The following IL15 variants were observed in gnomAD, a reference collection of about 807,000 sequenced individuals.
IL15 encodes interleukin-15.
A neutral mutation model predicts 19.6 loss-of-function variants in IL15; 11 were observed. The observed-to-expected ratio is 0.56, with a 90% CI of 0.35 to 0.93. The LOEUF is 0.93. Ranked by LOEUF, IL15 falls within the 40% of genes least tolerant of loss-of-function variation. IL15 has a pLI of 0.01. For synonymous variants in IL15, 58 were observed against 59.6 expected, an observed-to-expected ratio of 0.97 and a Z score of 0.12; for missense variants, 197 against 186.5, an observed-to-expected ratio of 1.06 and a Z score of -0.33.
chr4:141,653,149 C>T (rs76118960), intron 1 of IL15, among the ~76,000 whole-genome samples: 5,910 of 152,064 alleles, frequency 0.039, 371 homozygotes, highest in African/African-American at 0.13. Flanking sequence ...TGTTTAGTAA[C>T]AATTGGCTGA....
At chr4:141,715,696 G>C (rs1729860056) in intron 2 of IL15, 1 of 152,066 alleles carries the variant, frequency 6.6e-6, no homozygotes, top group Admixed American at 6.6e-5. Flanking sequence ...ATTCTATTCA[G>C]TCTCGGCTTG....
chr4:141,666,308 G>A (rs1727983805), intron 2 of IL15, among the ~76,000 whole-genome samples: 1 of 151,426 alleles, frequency 6.6e-6, no homozygotes, highest in South Asian at 2.1e-4. Flanking sequence ...TTGGAAAGCC[G>A]AGGCGGTCGG....
At chr4:141,696,278 A>C (rs10010469) in intron 2 of IL15, among the ~76,000 whole-genome samples, 130,407 of 152,036 alleles carry the variant, frequency 0.86, 56,431 homozygotes, top group East Asian at 0.99. Flanking sequence ...CTACGCTGTT[A>C]AATTGGTCTA....
At chr4:141,660,304 T>C (rs1415476119) in intron 2 of IL15, among the ~76,000 whole-genome samples, 3 of 152,226 alleles carry the variant, frequency 2.0e-5, no homozygotes, top group African/African-American at 7.2e-5. Flanking sequence ...TAAACTAAGT[T>C]ACTAGGAACC....
chr4:141,646,990 A>G (rs1291758068), intron 1 of IL15, among the ~76,000 whole-genome samples: 1 of 152,154 alleles, frequency 6.6e-6, no homozygotes, highest in Admixed American at 6.6e-5. Context: ...GAGGGAATGA[A>G]TGGATTAATG....
At chr4:141,686,497 C>T (rs979516891) in intron 2 of IL15, among the ~76,000 whole-genome samples, 1 of 152,108 alleles carries the variant, frequency 6.6e-6, no homozygotes, top group Non-Finnish European at 1.5e-5. Flanking sequence ...CTGCCTACTC[C>T]TCTGTGAGTC....
chr4:141,732,237 A>G (rs1730474339), intron 7 of IL15, among the ~76,000 whole-genome samples: 1 of 152,202 alleles, frequency 6.6e-6, no homozygotes, highest in African/African-American at 2.4e-5. Flanking sequence ...AAGTGCGAGT[A>G]GCAGCAGCTA....
intron 7 of IL15, 97 bp downstream of exon 7, chr4:141,730,081 C>G: frequency 1.1e-6 from 1 of 935,052 alleles, no homozygotes; most frequent in Non-Finnish European, 1.7e-6. Flanking sequence ...AAGGGGCAAT[C>G]AGGAGAAGGA....
At chr4:141,685,856 T>G (rs1203773745) in intron 2 of IL15, among the ~76,000 whole-genome samples, 1 of 152,222 alleles carries the variant, frequency 6.6e-6, no homozygotes, top group African/African-American at 2.4e-5. Flanking sequence ...CATTTCTTCA[T>G]AACATTTAAA....
intron 2 of IL15, chr4:141,715,825 G>A (rs1381060318): frequency 6.6e-6 from 1 of 152,100 alleles, no homozygotes; most frequent in East Asian, 1.9e-4. Context: ...AAGTTAATAA[G>A]CAGAACAAAA....
intron 5 of IL15, among the ~76,000 whole-genome samples, chr4:141,722,453 C>A (rs1290772458): frequency 6.6e-6 from 1 of 152,058 alleles, no homozygotes; most frequent in Admixed American, 6.6e-5. Context: ...CCAAGCATAC[C>A]AAAATAGCAC....
chr4:141,665,441 TC>T (rs1185245905), intron 2 of IL15, among the ~76,000 whole-genome samples: 3 of 152,148 alleles, frequency 2.0e-5, no homozygotes, highest in Admixed American at 6.5e-5. Context: ...TAGGTCTAGT[TC>T]CTCTTTATTC....
chr4:141,673,825 A>T (rs1002643842), intron 2 of IL15, among the ~76,000 whole-genome samples: 2 of 152,314 alleles, frequency 1.3e-5, no homozygotes, highest in South Asian at 2.1e-4. Context: ...TCCAAAAACA[A>T]ACATTCTAGT....
intron 2 of IL15, among the ~76,000 whole-genome samples, chr4:141,658,305 G>A (rs1193509372): frequency 6.6e-6 from 1 of 152,114 alleles, no homozygotes; most frequent in African/African-American, 2.4e-5. Flanking sequence ...GCAGAACTGT[G>A]AGTCAATTAA....
intron 2 of IL15, among the ~76,000 whole-genome samples, chr4:141,706,339 TTTC>T (rs1224346274): frequency 4.6e-5 from 7 of 152,210 alleles, no homozygotes; most frequent in Non-Finnish European, 8.8e-5. Context: ...TGTTTTCTCT[TTTC>T]TTTACTATTT....
At chr4:141,704,496 T>G (rs550633061) in intron 2 of IL15, 1 of 223,018 alleles carries the variant, frequency 4.5e-6, no homozygotes, top group South Asian at 6.1e-5. Flanking sequence ...AATATTGACC[T>G]ATAGTTTTAT....
intron 2 of IL15, among the ~76,000 whole-genome samples, chr4:141,695,010 C>T (rs1449643028): frequency 6.6e-6 from 1 of 152,158 alleles, no homozygotes; most frequent in Non-Finnish European, 1.5e-5. Flanking sequence ...GTAGCACCTT[C>T]CAATTTGTCT....
intron 7 of IL15, among the ~76,000 whole-genome samples, chr4:141,731,196 A>T (rs1013748845): frequency 6.6e-6 from 1 of 152,272 alleles, no homozygotes. Flanking sequence ...TCACCTTCTC[A>T]GTGATTTACC....
chr4:141,668,099 A>T (rs1728050815), intron 2 of IL15, among the ~76,000 whole-genome samples: 1 of 152,230 alleles, frequency 6.6e-6, no homozygotes, highest in South Asian at 2.1e-4. Context: ...CACATTTTAC[A>T]GTTGTGATTA....
Sources: gnomAD v4.1 joint callset for allele counts (sites outside exome capture counted in the v4.1 genomes callset) on GRCh38, gnomAD v4.1.1 for gene constraint, MANE v1.5 for transcripts, NCBI Gene and HGNC (gene_info 2026-07-23, HGNC 2026-07-21) for gene names.